The following XKR6 variants were observed in gnomAD, a reference collection of about 807,000 sequenced individuals.
XKR6 encodes XK related 6, also known as XK-related protein 6.
XKR6 carries 22 observed loss-of-function variants against 56.7 expected under a neutral mutation model. That is an observed-to-expected ratio of 0.39 (90% CI 0.28 to 0.55). XKR6 has a LOEUF of 0.55. Ranked by LOEUF, XKR6 falls within the 20% of genes least tolerant of loss-of-function variation. The probability of loss-of-function intolerance (pLI) is 0.66; values close to 1 mark genes in which losing one functional copy is unlikely to be tolerated. For synonymous variants in XKR6, 524 were observed against 387.8 expected (o/e 1.35, Z -4.13); for missense variants, 852 against 889.0 (o/e 0.96, Z 0.53).
At chr8:11,100,132 G>A (rs1464868788) in intron 1 of XKR6, among the ~76,000 whole-genome samples, 1 of 152,152 alleles carries the variant, frequency 6.6e-6, no homozygotes, top group African/African-American at 2.4e-5. Flanking sequence ...GCTCACTGCA[G>A]TCTCGACCTC....
chr8:11,060,527 G>A (rs537913052), intron 1 of XKR6, among the ~76,000 whole-genome samples: 2 of 152,328 alleles, frequency 1.3e-5, no homozygotes, highest in African/African-American at 4.8e-5. Context: ...GATGCCCAGG[G>A]ACTCGTTTCT....
intron 1 of XKR6, among the ~76,000 whole-genome samples, chr8:10,933,434 G>T (rs1229414852): frequency 8.1e-6 from 1 of 122,858 alleles, no homozygotes; most frequent in Non-Finnish European, 1.7e-5. Flanking sequence ...GGCTTTGGTT[G>T]CCATTGCTTT....
chr8:11,150,107 A>G (rs1801198528), intron 1 of XKR6, among the ~76,000 whole-genome samples: 2 of 152,190 alleles, frequency 1.3e-5, no homozygotes, highest in African/African-American at 4.8e-5. Flanking sequence ...ATGGATGAAG[A>G]CAGGATGGCT....
At chr8:10,929,007 T>C (rs1310412753) in intron 1 of XKR6, among the ~76,000 whole-genome samples, 1 of 152,202 alleles carries the variant, frequency 6.6e-6, no homozygotes, top group African/African-American at 2.4e-5. Flanking sequence ...AAGCTGGGCC[T>C]GGTCTATGGT....
intron 2 of XKR6, among the ~76,000 whole-genome samples, chr8:10,905,877 A>T (rs1006589262): frequency 6.6e-6 from 1 of 152,184 alleles, no homozygotes; most frequent in African/African-American, 2.4e-5. Context: ...AGCTGTGTCC[A>T]CCGCCTCTCT....
intron 1 of XKR6, among the ~76,000 whole-genome samples, chr8:10,986,896 A>G (rs1797875805): frequency 6.6e-6 from 1 of 151,934 alleles, no homozygotes. Context: ...CTCAGCCCCT[A>G]AGTAGATGGG....
intron 2 of XKR6, among the ~76,000 whole-genome samples, chr8:10,918,916 C>T (rs1304933711): frequency 1.3e-5 from 2 of 152,228 alleles, no homozygotes; most frequent in African/African-American, 4.8e-5. Flanking sequence ...CATAACCTCA[C>T]ACCTGGCCCA....
chr8:11,098,992 G>T (rs867374247), intron 1 of XKR6, among the ~76,000 whole-genome samples: 1 of 152,158 alleles, frequency 6.6e-6, no homozygotes, highest in Non-Finnish European at 1.5e-5. Flanking sequence ...TTCTTTATGG[G>T]TATAGTCTAG....
intron 1 of XKR6, among the ~76,000 whole-genome samples, chr8:10,957,736 C>T (rs1481443454): frequency 1.3e-5 from 2 of 152,162 alleles, no homozygotes; most frequent in East Asian, 3.9e-4. Context: ...AATGGGGGAC[C>T]TCTCCTCATC....
chr8:11,159,111 G>T (rs1366942059), intron 1 of XKR6, among the ~76,000 whole-genome samples: 1 of 152,146 alleles, frequency 6.6e-6, no homozygotes, highest in Non-Finnish European at 1.5e-5. Flanking sequence ...GACATTAACA[G>T]TACTAGCTCA....
At chr8:10,919,491 T>A (rs1428960577) in intron 2 of XKR6, among the ~76,000 whole-genome samples, 60 of 152,244 alleles carry the variant, frequency 3.9e-4, no homozygotes, top group Admixed American at 3.9e-3. Context: ...ATAGCATGGC[T>A]CCTGGGTAAC....
chr8:11,094,400 G>C (rs1393673164), intron 1 of XKR6, among the ~76,000 whole-genome samples: 1 of 151,780 alleles, frequency 6.6e-6, no homozygotes, highest in African/African-American at 2.4e-5. Flanking sequence ...ATGTTGACCA[G>C]ACTGGTCTGA....
chr8:10,986,723 C>T (rs1586394929), intron 1 of XKR6, among the ~76,000 whole-genome samples: 1 of 151,900 alleles, frequency 6.6e-6, no homozygotes, highest in Non-Finnish European at 1.5e-5. Flanking sequence ...CATTCAACTT[C>T]GGTTTCCTTA....
intron 1 of XKR6, among the ~76,000 whole-genome samples, chr8:11,130,019 C>A (rs78471843): frequency 9.9e-4 from 150 of 152,212 alleles, no homozygotes; most frequent in Middle Eastern, 3.4e-3. Context: ...CAGAGAAGAT[C>A]TGACAATAAA....
At chr8:10,911,585 G>C (rs1800369866) in intron 2 of XKR6, among the ~76,000 whole-genome samples, 1 of 144,190 alleles carries the variant, frequency 6.9e-6, no homozygotes, top group East Asian at 2.0e-4. Context: ...GAGAGAGAGA[G>C]GAAGAGAGAG....
intron 1 of XKR6, among the ~76,000 whole-genome samples, chr8:11,177,350 AG>A (rs1563196812): frequency 6.6e-6 from 1 of 152,080 alleles, no homozygotes; most frequent in Non-Finnish European, 1.5e-5. Flanking sequence ...ACTTCAAGGA[AG>A]CAAACTGCCT....
intron 1 of XKR6, among the ~76,000 whole-genome samples, chr8:11,095,363 T>C (rs1433702759): frequency 6.6e-6 from 1 of 152,384 alleles, no homozygotes; most frequent in East Asian, 1.9e-4. Flanking sequence ...AAGTTTTTTC[T>C]TTTTAAGAAG....
Position 11,114,724 on chromosome 8 carries a change from CAT to C in XKR6, c.764+85850_764+85851del, listed in dbSNP as rs375492966. ...TTAATGAAGTCAGCTACTTAGATCA[CAT>C]ATGTGTGTGTGTGTGTGTGTGTGTG... On this transcript the variant is annotated intron_variant, in intron 1 of 2. Transcript: ENST00000416569. Among the ~76,000 whole-genome samples, 97 of 122,230 alleles carry C rather than the reference CAT, an allele frequency of 7.9e-4. 1 individual carries two copies. In the Middle Eastern group the frequency reaches 0.011, roughly 14 times the overall value. 80.2% of individuals were successfully genotyped at this position (122,230 alleles called of 152,430 possible). A position where few individuals can be genotyped will look rare whatever the true frequency, so the allele number is the denominator to read the frequency against.
At chr8:11,175,774 T>A (rs1802626728) in intron 1 of XKR6, among the ~76,000 whole-genome samples, 1 of 152,170 alleles carries the variant, frequency 6.6e-6, no homozygotes, top group African/African-American at 2.4e-5. Flanking sequence ...ACTAGCCCAG[T>A]GATACCTCAG....
Sources: allele counts gnomAD v4.1 joint callset (sites outside exome capture counted in the v4.1 genomes callset), GRCh38; gene constraint gnomAD v4.1.1; transcripts MANE v1.5; gene names NCBI Gene and HGNC (gene_info 2026-07-23, HGNC 2026-07-21).